Variants in TMEM184C observed in about 807,000 individuals in gnomAD.
The protein encoded by TMEM184C is transmembrane protein 184C.
A neutral mutation model predicts 54.5 loss-of-function variants in TMEM184C; 25 were observed. The observed-to-expected ratio is 0.46, with a 90% CI of 0.33 to 0.64. TMEM184C has a LOEUF of 0.64. TMEM184C is among the 30% of genes least tolerant of loss of function. The probability of loss-of-function intolerance (pLI) is 0.02; values close to 1 mark genes in which losing one functional copy is unlikely to be tolerated. For synonymous variants in TMEM184C, 148 were observed against 181.5 expected, an observed-to-expected ratio of 0.82 and a Z score of 1.49; for missense variants, 335 against 520.3, an observed-to-expected ratio of 0.64 and a Z score of 3.46.
At chr4:147,623,542 A>G (rs994737038) in intron 1 of TMEM184C, among the ~76,000 whole-genome samples, 1 of 149,368 alleles carries the variant, frequency 6.7e-6, no homozygotes, top group African/African-American at 2.5e-5. Flanking sequence ...ATAAATGCCC[A>G]CCTTTTCCCC....
rs774898469 is a variant in TMEM184C, at chr4:147,624,099, GTAAGTA to G, written c.291+3_291+8del. ...GGTACCTATTTACAGTTTAGATAGT[GTAAGTA>G]TGTTTCATTTTTATCTCATTAACTA... On this transcript the variant is annotated splice_donor_variant and splice_donor_5th_base_variant and intron_variant, in intron 3 of 9. Coordinates refer to ENST00000296582, the MANE Select transcript of TMEM184C (RefSeq NM_018241.3). LOFTEE classifies it high-confidence loss of function. The G allele has an allele frequency of 3.8e-6, 6 of 1,595,158 alleles. No homozygotes were observed. In the East Asian group the frequency reaches 1.3e-4, roughly 36 times the overall value.
rs1041308551 is a variant in TMEM184C at position 147,635,551 on chromosome 4, C to A, written c.*1117C>A. ...AAACAGAAAGTGCCATAGTATGTTA[C>A]AGAAAGCAAAGATGAGTATTGTTTC... is the stretch of plus-strand genomic sequence containing the variant. On this transcript the variant is annotated 3_prime_UTR_variant, in exon 10 of 10. Transcript: ENST00000296582. 1.3e-5 allele frequency: 2 copies of A among 152,160 alleles called. No individual in the cohort carries two copies. Among genetic ancestry groups the A allele is most frequent in the Non-Finnish European group, 2.9e-5 (2 of 68,014 alleles). 9.4% of individuals were successfully genotyped at this position (152,160 alleles called of 1,614,324 possible).
At chr4:147,622,576 T>C (rs544792855) in intron 1 of TMEM184C, among the ~76,000 whole-genome samples, 149 of 152,282 alleles carry the variant, frequency 9.8e-4, no homozygotes, top group Non-Finnish European at 1.8e-3. Flanking sequence ...ACTGGGGGTC[T>C]TGGAACCTAA....
intron 1 of TMEM184C, among the ~76,000 whole-genome samples, chr4:147,623,174 C>T (rs184226981): frequency 1.6e-4 from 25 of 152,130 alleles, no homozygotes; most frequent in African/African-American, 3.4e-4. Context: ...GGGCCGTGCA[C>T]GGTGGCTCAT....
intron 1 of TMEM184C, among the ~76,000 whole-genome samples, chr4:147,622,031 C>T (rs1159529513): frequency 6.8e-6 from 1 of 147,102 alleles, no homozygotes; most frequent in East Asian, 2.0e-4. Context: ...GTCACCCAGG[C>T]TGGAGTGCAG....
Position 147,619,306 on chromosome 4 carries a change from T to A in TMEM184C, c.123+1227T>A, listed in dbSNP as rs1047066319. Among the ~76,000 whole-genome samples the A allele has an allele frequency of 2.6e-5, 4 of 152,252 alleles. 1 individual carries two copies. Among genetic ancestry groups the A allele is most frequent in the Admixed American group, 1.3e-4 (2 of 15,302 alleles). On this transcript the variant is annotated intron_variant, in intron 1 of 9. Transcript: ENST00000296582. Reference sequence around the variant, plus strand: ...TCTGCCTCCCAGGTTCAAGCGATTCTCCTGCCTCAGCCTCCCAAGTAGCTG... The same window carrying A: ...TCTGCCTCCCAGGTTCAAGCGATTCACCTGCCTCAGCCTCCCAAGTAGCTG...
Position 147,618,052 on chromosome 4 carries a change from A to G in TMEM184C, c.96A>G (p.Leu32=), listed in dbSNP as rs754888313. Residue 32 remains leucine, a synonymous_variant, in exon 1 of 10, where the codon CTA becomes CTG. Transcript: ENST00000296582. ...YLVSIVVAVP[L]CVWELQKLEV... is the part of the protein sequence containing the mutation. The stretch of plus-strand genomic sequence containing the variant: ...TGTCAATAGTGGTTGCGGTTCCCCT[A>G]TGCGTGTGGGAATTACAGAAACTGG... 1.7e-5 allele frequency: 28 copies of G among 1,614,090 alleles called. No homozygotes were observed. The highest frequency in any genetic ancestry group is 2.2e-5 in the East Asian group (1 of 44,872).
intron 6 of TMEM184C, among the ~76,000 whole-genome samples, chr4:147,630,696 TA>T (rs1732901479): frequency 6.6e-6 from 1 of 152,074 alleles, no homozygotes; most frequent in Non-Finnish European, 1.5e-5. Context: ...GGCTTATGTG[TA>T]AAAAGGATGA....
chr4:147,633,060 A>T, intron 8 of TMEM184C, 58 bp downstream of exon 8: 1 of 1,438,230 alleles, frequency 7.0e-7, no homozygotes, highest in African/African-American at 1.4e-5. Context: ...GCATTTTTAC[A>T]TATCTCCACT....
intron 4 of TMEM184C, among the ~76,000 whole-genome samples, chr4:147,627,436 G>A (rs111285834): frequency 0.025 from 3,855 of 152,120 alleles, 171 homozygotes; most frequent in African/African-American, 0.088. Flanking sequence ...GATTACAGGC[G>A]TGCCCGGCTA....
At position 147,633,794 on chromosome 4, in the gene TMEM184C, C is replaced by T. The variant is rs181896526; in HGVS notation, c.909C>T (p.Leu303=). 1.1e-4 allele frequency: 178 copies of T among 1,608,070 alleles called. 2 individuals carry two copies. In the East Asian group the frequency reaches 3.7e-3, roughly 33 times the overall value. The part of the protein sequence containing the change: ...QDFIICIEMF[L]AAIAHHYTFS... ...TTATTATCTGTATTGAGATGTTCCTCGCTGCCATTGCTCATCATTACACAT... is the reference window on the plus strand; with the variant it reads ...TTATTATCTGTATTGAGATGTTCCTTGCTGCCATTGCTCATCATTACACAT... The change falls in exon 9 of 10, where the codon CTC becomes CTT. Residue 303 remains leucine, a synonymous_variant. Coordinates refer to ENST00000296582, the MANE Select transcript of TMEM184C (RefSeq NM_018241.3).
At chr4:147,630,738 T>G (rs2126553449) in intron 6 of TMEM184C, among the ~76,000 whole-genome samples, 1 of 152,212 alleles carries the variant, frequency 6.6e-6, no homozygotes, top group African/African-American at 2.4e-5. Context: ...TATTCTTTCT[T>G]TCTTTACTGG....
chr4:147,633,760 C>G lies in TMEM184C; in HGVS notation c.880-5C>G. ...GTGGCTGTTATCTTATTGTTGTTCT[C>G]ATAGGATTTTATTATCTGTATTGAG... On this transcript the variant is annotated splice_polypyrimidine_tract_variant and splice_region_variant and intron_variant, in intron 8 of 9. Coordinates refer to ENST00000296582, the MANE Select transcript of TMEM184C (RefSeq NM_018241.3). 6.4e-7 allele frequency: 1 copy of G among 1,561,790 alleles called. No homozygotes were observed. Among genetic ancestry groups the G allele is most frequent in the Non-Finnish European group, 8.7e-7 (1 of 1,150,978 alleles).
chr4:147,626,720 T>C (rs1732821606), intron 4 of TMEM184C, among the ~76,000 whole-genome samples: 1 of 152,174 alleles, frequency 6.6e-6, no homozygotes, highest in African/African-American at 2.4e-5. Flanking sequence ...AGAACAGACA[T>C]AGACCTCATG....
At chr4:147,633,254 A>G (rs775170931) in intron 8 of TMEM184C, among the ~76,000 whole-genome samples, 1 of 151,922 alleles carries the variant, frequency 6.6e-6, no homozygotes, top group African/African-American at 2.4e-5. Context: ...TGGGTGGTGG[A>G]ATGCAATATA....
Position 147,618,059 on chromosome 4 carries a change from TG to T in TMEM184C, c.106del (p.Glu36AsnfsTer23). ...SIVVAVPLCV[W>X]ELQKLEVGIH... ...AGTGGTTGCGGTTCCCCTATGCGTG[TG>T]GGAATTACAGAAACTGGAGGTAAGA... is the stretch of plus-strand genomic sequence containing the variant. On this transcript the variant is annotated frameshift_variant, in exon 1 of 10. Transcript: ENST00000296582. LOFTEE classifies it high-confidence loss of function. 6.2e-7 allele frequency: 1 copy of T among 1,614,120 alleles called. No homozygotes were observed. The highest frequency in any genetic ancestry group is 8.5e-7 in the Non-Finnish European group (1 of 1,180,006).
intron 1 of TMEM184C, among the ~76,000 whole-genome samples, chr4:147,621,005 C>CA (rs1732699274): frequency 6.6e-6 from 1 of 152,166 alleles, no homozygotes; most frequent in Non-Finnish European, 1.5e-5. Context: ...TTTATTTTCT[C>CA]ACAGTTCTGG....
At chr4:147,623,021 A>G (rs2126548297) in intron 1 of TMEM184C, among the ~76,000 whole-genome samples, 1 of 152,300 alleles carries the variant, frequency 6.6e-6, no homozygotes, top group Middle Eastern at 3.4e-3. Flanking sequence ...CACCTCACTC[A>G]GCCCTTTTCA....
At position 147,633,884 on chromosome 4, in the gene TMEM184C, G is replaced by A. The variant is rs1418279418; in HGVS notation, c.999G>A (p.Met333Ile). The A allele has an allele frequency of 4.3e-6, 7 of 1,613,846 alleles. No individual in the cohort carries two copies. The highest frequency in any genetic ancestry group is 4.0e-5 in the African/African-American group (3 of 74,912). ...CATGCTTTGATTCCTTTCTTGCCAT[G>A]TGGGATGTCTCAGATATTAGAGATG... ...EGSCFDSFLA[M>I]WDVSDIRDDI... Residue 333 changes from methionine to isoleucine, a missense_variant, in exon 9 of 10, where the codon ATG becomes ATA. Transcript: ENST00000296582.
Sources: allele counts gnomAD v4.1 joint callset (sites outside exome capture counted in the v4.1 genomes callset), GRCh38; gene constraint gnomAD v4.1.1; transcripts MANE v1.5; gene names NCBI Gene and HGNC (gene_info 2026-07-23, HGNC 2026-07-21).